Variants in TOP1 observed in about 807,000 individuals in gnomAD.
TOP1 encodes DNA topoisomerase 1.
Under a neutral mutation model 111.1 loss-of-function variants are expected in TOP1, and 10 were observed. The observed-to-expected ratio is 0.09, with a 90% CI of 0.06 to 0.15. The LOEUF (loss-of-function observed/expected upper bound fraction) is 0.15, where lower values mean the gene tolerates loss of function less well. Among genes scored for constraint, TOP1 ranks in the 10% least tolerant of loss-of-function variants. The pLI, the probability that TOP1 is intolerant of heterozygous loss-of-function variation, is 1.00. For missense variants in TOP1, 474 were observed against 926.7 expected (o/e 0.51, Z 6.34); for synonymous variants, 271 against 302.9 (o/e 0.89, Z 1.10).
intron 8 of TOP1, among the ~76,000 whole-genome samples, chr20:41,090,705 C>T (rs2033909974): frequency 6.6e-6 from 1 of 152,102 alleles, no homozygotes; most frequent in African/African-American, 2.4e-5. Flanking sequence ...GGGGTCTCGC[C>T]ATGTTGGCCA....
Position 41,123,278 on chromosome 20 carries a change from A to G in TOP1, c.2279A>G (p.Asp760Gly). ...TTTGCCTGGGCCATTGACATGGCTG[A>G]TGAAGACTATGAGTTTTAGCCAGTC... Reference protein sequence around the residue: ...EKFAWAIDMADEDYEF With the variant: ...EKFAWAIDMAGEDYEF Residue 760 changes from aspartate (D) to glycine (G), a missense_variant, in exon 21 of 21, where the codon GAT becomes GGT. By Grantham distance (94) the Asp-to-Gly change is moderately conservative. This residue lies in a region of TOP1 where 26 missense variants were observed against 81.8 expected (regional missense o/e 0.32). Coordinates refer to ENST00000361337, the MANE Select transcript of TOP1 (RefSeq NM_003286.4). This position sits in a 1 kb window ranked among gnomAD's most constrained non-coding sequence, Gnocchi z 5.8. 6.2e-7 allele frequency: 1 copy of G among 1,613,576 alleles called. No homozygotes were observed. The highest frequency in any genetic ancestry group is 8.5e-7 in the Non-Finnish European group (1 of 1,179,464).
chr20:41,048,883 G>A (rs1179269140), intron 2 of TOP1, among the ~76,000 whole-genome samples: 3 of 152,218 alleles, frequency 2.0e-5, no homozygotes, highest in Non-Finnish European at 4.4e-5. Flanking sequence ...CATAATGGAA[G>A]GAGTGGGATG....
In TOP1 at chr20:41,083,099, T is replaced by C. The variant is rs551636400; in HGVS notation, c.508-1363T>C. 1.3e-5 allele frequency among the ~76,000 whole-genome samples: 2 copies of C among 152,298 alleles called. No individual in the cohort carries two copies. The highest frequency in any genetic ancestry group is 4.1e-4 in the South Asian group (2 of 4,822). On this transcript the variant is annotated intron_variant, in intron 7 of 20. Coordinates refer to ENST00000361337, the MANE Select transcript of TOP1 (RefSeq NM_003286.4). This position sits in a 1 kb window ranked among gnomAD's most constrained non-coding sequence, Gnocchi z 7.2. ...GTTTTTTTCTCTTGTTTTTGAGAAT[T>C]GTTCTGAGGTCTCTTAGTGACTGAC... is the stretch of plus-strand genomic sequence containing the variant.
At chr20:41,039,487 T>G (rs2033233077) in intron 2 of TOP1, among the ~76,000 whole-genome samples, 1 of 152,128 alleles carries the variant, frequency 6.6e-6, no homozygotes, top group Non-Finnish European at 1.5e-5. Flanking sequence ...AAAAAATGGT[T>G]TTTTTTTGTA....
rs760667786 is a variant in TOP1 at position 41,098,246 on chromosome 20, C to A, written c.884C>A (p.Thr295Asn). 3.1e-6 allele frequency: 5 copies of A among 1,613,828 alleles called. No individual in the cohort carries two copies. The highest frequency in any genetic ancestry group is 1.6e-4 in the Middle Eastern group (1 of 6,062). ...ACTAATGAAGAGAAGAATATTATCA[C>A]CAACCTAAGCAAATGTGATTTTACC... The part of the protein sequence containing the change: ...EMTNEEKNII[T>N]NLSKCDFTQM... Residue 295 changes from threonine to asparagine, a missense_variant, in exon 11 of 21, where the codon ACC becomes AAC. This residue lies in a region of TOP1 where 84 missense variants were observed against 119.2 expected (regional missense o/e 0.70). Transcript: ENST00000361337. This position sits in a 1 kb window ranked among gnomAD's most constrained non-coding sequence, Gnocchi z 5.7.
chr20:41,044,404 G>C (rs990091199), intron 2 of TOP1, among the ~76,000 whole-genome samples: 1 of 152,228 alleles, frequency 6.6e-6, no homozygotes, highest in African/African-American at 2.4e-5. Context: ...TAGTAAAAAT[G>C]GGATTTGTTT....
intron 9 of TOP1, among the ~76,000 whole-genome samples, chr20:41,093,425 TC>T (rs2033944163): frequency 6.6e-6 from 1 of 151,976 alleles, no homozygotes; most frequent in African/African-American, 2.4e-5. Context: ...CCGTCCCTCT[TC>T]TTCTTTCCCC....
intron 8 of TOP1, among the ~76,000 whole-genome samples, chr20:41,088,400 G>A (rs2033873693): frequency 6.6e-6 from 1 of 152,214 alleles, no homozygotes; most frequent in Admixed American, 6.5e-5. Flanking sequence ...GTACTCAGGA[G>A]GCTGAGGCGC....
At position 41,109,872 on chromosome 20, in the gene TOP1, C is replaced by T. The variant is rs1189170634; in HGVS notation, c.1309-2910C>T. 6.6e-6 allele frequency among the ~76,000 whole-genome samples: 1 copy of T among 152,092 alleles called. No individual in the cohort carries two copies. Among genetic ancestry groups the T allele is most frequent in the African/African-American group, 2.4e-5 (1 of 41,418 alleles). On this transcript the variant is annotated intron_variant, in intron 13 of 20. Coordinates refer to ENST00000361337, the MANE Select transcript of TOP1 (RefSeq NM_003286.4). This position sits in a 1 kb window ranked among gnomAD's most constrained non-coding sequence, Gnocchi z 4.1. ...TAGCAGTGCTCTATTCATAAGAGTG[C>T]AAAACTGGAAACATCCCAGAATAGA...
chr20:41,075,892 A>G (rs2033721150), intron 3 of TOP1, among the ~76,000 whole-genome samples: 2 of 152,188 alleles, frequency 1.3e-5, no homozygotes, highest in Non-Finnish European at 2.9e-5. Context: ...GTGCTGGTAG[A>G]ATGTTGCAGA....
In TOP1 at chr20:41,038,173, C is replaced by A. The variant is rs528691417; in HGVS notation, c.58+8718C>A. Among the ~76,000 whole-genome samples the A allele has an allele frequency of 1.1e-4, 16 of 152,270 alleles. 1 individual carries two copies. The South Asian group carries it at 2.9e-3, about 28-fold the overall frequency. On this transcript the variant is annotated intron_variant, in intron 2 of 20. Transcript: ENST00000361337. ...GAATAGTCTCCCGGCCTCCAACCCCCTCTACATCCCCACCACCCCATAATA... is the reference window on the plus strand; with the variant it reads ...GAATAGTCTCCCGGCCTCCAACCCCATCTACATCCCCACCACCCCATAATA...
At position 41,097,544 on chromosome 20, in the gene TOP1, A is replaced by T. The variant is rs866757302; in HGVS notation, c.852+203A>T. Among the ~76,000 whole-genome samples, 1 of 152,144 alleles carries T rather than the reference A, an allele frequency of 6.6e-6. No homozygotes were observed. The highest frequency in any genetic ancestry group is 1.5e-5 in the Non-Finnish European group (1 of 68,036). On this transcript the variant is annotated intron_variant, in intron 10 of 20. Coordinates refer to ENST00000361337, the MANE Select transcript of TOP1 (RefSeq NM_003286.4). This position sits in a 1 kb window ranked among gnomAD's most constrained non-coding sequence, Gnocchi z 4.2. Reference sequence around the variant, plus strand: ...ACAAGAGTACTTGTATATCTTTGCTATTGGCTCTCATGTGATGGCAGGTAG... The same window carrying T: ...ACAAGAGTACTTGTATATCTTTGCTTTTGGCTCTCATGTGATGGCAGGTAG...
At chr20:41,089,237 G>T (rs1416224046) in intron 8 of TOP1, among the ~76,000 whole-genome samples, 1 of 151,994 alleles carries the variant, frequency 6.6e-6, no homozygotes. Flanking sequence ...TGTTGGCCAG[G>T]CTGGTCTCAA....
rs2033157775 is a variant in TOP1, at chr20:41,034,307, C to A, written c.58+4852C>A. 6.6e-6 allele frequency among the ~76,000 whole-genome samples: 1 copy of A among 152,214 alleles called. No individual in the cohort carries two copies. On this transcript the variant is annotated intron_variant, in intron 2 of 20. Transcript: ENST00000361337. The surrounding 1 kb of genome is among the most constrained non-coding windows in gnomAD (Gnocchi z 4.0). ...CCCTATTTCCATGCCTCATACATCTCAAGTTTGAGCAGCAGCTTTCCATCC... is the reference window on the plus strand; with the variant it reads ...CCCTATTTCCATGCCTCATACATCTAAAGTTTGAGCAGCAGCTTTCCATCC...
chr20:41,058,820 C>T lies in TOP1; in HGVS notation c.59-2574C>T, dbSNP rs965430318. On this transcript the variant is annotated intron_variant, in intron 2 of 20. Coordinates refer to ENST00000361337, the MANE Select transcript of TOP1 (RefSeq NM_003286.4). The surrounding 1 kb of genome is among the most constrained non-coding windows in gnomAD (Gnocchi z 4.2). Reference sequence around the variant, plus strand: ...GGAAATAGACCTATAATTATATGACCGCTCGAAAACGCCAAGACAATTTAA... The same window carrying T: ...GGAAATAGACCTATAATTATATGACTGCTCGAAAACGCCAAGACAATTTAA... 2.0e-5 allele frequency among the ~76,000 whole-genome samples: 3 copies of T among 151,964 alleles called. No individual in the cohort carries two copies. The highest frequency in any genetic ancestry group is 2.1e-4 in the South Asian group (1 of 4,816).
intron 2 of TOP1, among the ~76,000 whole-genome samples, chr20:41,059,413 TAAA>T (rs2033515913): frequency 1.2e-5 from 1 of 86,194 alleles, no homozygotes; most frequent in Non-Finnish European, 2.2e-5. Flanking sequence ...TGCTAGAAAA[TAAA>T]TAAATAAATA....
intron 11 of TOP1, among the ~76,000 whole-genome samples, 160 bp from the exon 12 acceptor site, chr20:41,099,896 G>C (rs1453782088): frequency 6.6e-6 from 1 of 152,150 alleles, no homozygotes; most frequent in African/African-American, 2.4e-5. Context: ...TGATATTTAA[G>C]TTTGAGAAAA....
At chr20:41,056,749 T>C (rs1271010225) in intron 2 of TOP1, among the ~76,000 whole-genome samples, 2 of 152,150 alleles carry the variant, frequency 1.3e-5, no homozygotes, top group Non-Finnish European at 2.9e-5. Context: ...CCCAAAGTGT[T>C]GGGATTGTAA....
Position 41,081,257 on chromosome 20 carries a change from A to G in TOP1, c.507+17A>G, listed in dbSNP as rs1306198867. On this transcript the variant is annotated intron_variant, in intron 7 of 20. Transcript: ENST00000361337. ...GAAGAAGAGGTTAGTAAAGAGACTT[A>G]GGTCCTTTGGGGCTTGAGTTTGGAA... is the stretch of plus-strand genomic sequence containing the variant. 2 of 1,591,602 alleles carry G rather than the reference A, an allele frequency of 1.3e-6. No individual in the cohort carries two copies. Among genetic ancestry groups the G allele is most frequent in the South Asian group, 1.1e-5 (1 of 87,326 alleles).
Sources: gnomAD v4.1 joint callset for allele counts (sites outside exome capture counted in the v4.1 genomes callset) on GRCh38, gnomAD v4.1.1 for gene constraint, gnomAD v4.1.1 regional missense constraint, Gnocchi (gnomAD v3.1) non-coding constraint, MANE v1.5 for transcripts, NCBI Gene and HGNC (gene_info 2026-07-23, HGNC 2026-07-21) for gene names.